The following PTPRD variants were observed in gnomAD, a reference collection of about 807,000 sequenced individuals.
The protein encoded by PTPRD is receptor-type tyrosine-protein phosphatase delta.
PTPRD carries 34 observed loss-of-function variants against 214.5 expected under a neutral mutation model. That is an observed-to-expected ratio of 0.16 (90% CI 0.12 to 0.21). PTPRD has a LOEUF of 0.21. PTPRD is among the 10% of genes least tolerant of loss of function. The pLI is 1.00. For synonymous variants in PTPRD, 1,128 were observed against 845.7 expected, an observed-to-expected ratio of 1.33 and a Z score of -5.79; for missense variants, 2,545 against 2,398.7, an observed-to-expected ratio of 1.06 and a Z score of -1.27.
chr9:10,605,916 T>C (rs1338731155), intron 2 of PTPRD, among the ~76,000 whole-genome samples: 2 of 151,820 alleles, frequency 1.3e-5, no homozygotes, highest in Non-Finnish European at 2.9e-5. Context: ...TAATCCTGAC[T>C]AGTGATTCTG....
chr9:9,039,252 C>T (rs1432421997), intron 10 of PTPRD, among the ~76,000 whole-genome samples: 1 of 152,152 alleles, frequency 6.6e-6, no homozygotes, highest in Non-Finnish European at 1.5e-5. Context: ...GGACTGTTAG[C>T]TAGCAATGGA....
chr9:10,168,922 T>G (rs2099179130), intron 3 of PTPRD, among the ~76,000 whole-genome samples: 1 of 152,202 alleles, frequency 6.6e-6, no homozygotes, highest in African/African-American at 2.4e-5. Context: ...CTTTGTTTGT[T>G]TCCCTCTAAT....
At chr9:9,769,092 T>C (rs1197898319) in intron 5 of PTPRD, among the ~76,000 whole-genome samples, 1 of 151,750 alleles carries the variant, frequency 6.6e-6, no homozygotes, top group Non-Finnish European at 1.5e-5. Flanking sequence ...TAGGAGGAAA[T>C]AAGACTTCAG....
In PTPRD at chr9:8,917,114, TTTC is replaced by T. The variant is rs542752335; in HGVS notation, c.-104+101580_-104+101582del. Among the ~76,000 whole-genome samples the T allele has an allele frequency of 6.8e-3, 1,017 of 149,682 alleles. 34 individuals are homozygous for T. In the South Asian group the frequency reaches 0.096, roughly 14 times the overall value. ...GCAATGAGAATCACATAATAGATTA[TTTC>T]TTCTTCTTCTTCTTCTTCTTTTTTT... On this transcript the variant is annotated intron_variant, in intron 11 of 45. Coordinates refer to ENST00000381196, the MANE Select transcript of PTPRD (RefSeq NM_002839.4).
chr9:10,184,682 G>A (rs1593435780), intron 3 of PTPRD, among the ~76,000 whole-genome samples: 1 of 152,068 alleles, frequency 6.6e-6, no homozygotes, highest in Non-Finnish European at 1.5e-5. Flanking sequence ...CCTTCCCCCA[G>A]TTTCTTTGCT....
rs891542447 is a variant in PTPRD at position 8,349,182 on chromosome 9, T to G, written c.4662-7204A>C. Among the ~76,000 whole-genome samples, 4 of 152,316 alleles carry G rather than the reference T, an allele frequency of 2.6e-5. No homozygotes were observed. In the East Asian group the frequency reaches 7.7e-4, roughly 29 times the overall value. The stretch of plus-strand genomic sequence containing the variant: ...CATGTTTACAAAGATAAAGTAATGC[T>G]TATAATTTGATGAGATGCAAACAAC... On this transcript the variant is annotated intron_variant, in intron 39 of 45. Transcript: ENST00000381196.
intron 10 of PTPRD, among the ~76,000 whole-genome samples, chr9:9,102,896 C>T (rs995468529): frequency 3.3e-5 from 5 of 152,184 alleles, no homozygotes; most frequent in South Asian, 2.1e-4. Context: ...AATGAATTAA[C>T]GCTATAATTT....
chr9:10,449,288 A>G (rs112151293), intron 2 of PTPRD, among the ~76,000 whole-genome samples: 3,143 of 150,286 alleles, frequency 0.021, 179 homozygotes, highest in African/African-American at 0.071. Context: ...TGATCTGCCC[A>G]CCTGGGCCTC....
intron 11 of PTPRD, among the ~76,000 whole-genome samples, chr9:8,934,393 ATGTGTGTG>A (rs756848411): frequency 0.054 from 2,604 of 47,846 alleles, 187 homozygotes; most frequent in African/African-American, 0.2. Flanking sequence ...AATACTAATT[ATGTGTGTG>A]TGTGTGTGTG....
rs138733247 is a variant in PTPRD, at chr9:8,710,277, C to A, written c.64+23503G>T. On this transcript the variant is annotated intron_variant, in intron 12 of 45. Coordinates refer to ENST00000381196, the MANE Select transcript of PTPRD (RefSeq NM_002839.4). ...AGGTCTCAGGGTCAAGTACATTCAG[C>A]TCATGTTCATTAGCTAATAACATTC... 1.0e-3 allele frequency among the ~76,000 whole-genome samples: 159 copies of A among 152,220 alleles called. 6 individuals are homozygous for A. Among genetic ancestry groups the A allele is most frequent in the African/African-American group, 3.6e-3 (151 of 41,536 alleles).
intron 5 of PTPRD, among the ~76,000 whole-genome samples, chr9:9,785,580 A>G (rs1350203093): frequency 2.0e-5 from 3 of 152,146 alleles, no homozygotes; most frequent in African/African-American, 7.2e-5. Flanking sequence ...TTTCAAGATA[A>G]TGAAAGATAA....
chr9:8,592,369 G>A (rs1244401256), intron 14 of PTPRD, among the ~76,000 whole-genome samples: 1 of 152,184 alleles, frequency 6.6e-6, no homozygotes, highest in Non-Finnish European at 1.5e-5. Flanking sequence ...TGGTGTGTCA[G>A]TGATAATGAA....
At chr9:9,249,235 C>T (rs1379684730) in intron 9 of PTPRD, among the ~76,000 whole-genome samples, 2 of 151,934 alleles carry the variant, frequency 1.3e-5, no homozygotes, top group Non-Finnish European at 2.9e-5. Context: ...CCTTTCTCCT[C>T]GTGACATGCC....
chr9:9,031,391 C>T (rs1013094265), intron 10 of PTPRD, among the ~76,000 whole-genome samples: 1 of 151,832 alleles, frequency 6.6e-6, no homozygotes, highest in African/African-American at 2.4e-5. Flanking sequence ...GATAGCATAG[C>T]CCACTACACA....
At chr9:10,051,786 G>A (rs578101645) in intron 3 of PTPRD, among the ~76,000 whole-genome samples, 103 of 152,010 alleles carry the variant, frequency 6.8e-4, no homozygotes, top group Admixed American at 1.4e-3. Context: ...CTTCTTCGAC[G>A]GACACAATTA....
At chr9:9,175,631 A>C (rs5896305) in intron 10 of PTPRD, among the ~76,000 whole-genome samples, 182 of 49,942 alleles carry the variant, frequency 3.6e-3, no homozygotes, top group Middle Eastern at 0.02. Flanking sequence ...TCAAAAAAAA[A>C]AAAAAAAAAA....
intron 4 of PTPRD, among the ~76,000 whole-genome samples, chr9:10,013,017 C>T (rs2096632214): frequency 6.6e-6 from 1 of 151,828 alleles, no homozygotes; most frequent in South Asian, 2.1e-4. Flanking sequence ...GTTAGAAAAG[C>T]ATATCCGCTA....
intron 2 of PTPRD, among the ~76,000 whole-genome samples, chr9:10,484,429 C>T (rs2099119455): frequency 6.6e-6 from 1 of 151,940 alleles, no homozygotes; most frequent in African/African-American, 2.4e-5. Flanking sequence ...ACTTGCAATC[C>T]TAAAGCTCTT....
chr9:9,388,678 C>T (rs11793389), intron 9 of PTPRD, among the ~76,000 whole-genome samples: 8,194 of 152,064 alleles, frequency 0.054, 240 homozygotes, highest in Middle Eastern at 0.13. Context: ...TTTAAATATA[C>T]GAGCTGAAAT....
Sources: allele counts gnomAD v4.1 joint callset (sites outside exome capture counted in the v4.1 genomes callset), GRCh38; gene constraint gnomAD v4.1.1; transcripts MANE v1.5; gene names NCBI Gene and HGNC (gene_info 2026-07-23, HGNC 2026-07-21).